Variants in RAD54L2 observed in about 807,000 individuals in gnomAD.
RAD54L2 encodes RAD54 like 2.
A neutral mutation model predicts 138.4 loss-of-function variants in RAD54L2; 27 were observed. The observed-to-expected ratio is 0.20, with a 90% CI of 0.14 to 0.27. RAD54L2 has a LOEUF of 0.27. Ranked by LOEUF, RAD54L2 falls within the 10% of genes least tolerant of loss-of-function variation. The pLI, the probability that RAD54L2 is intolerant of heterozygous loss-of-function variation, is 1.00. For synonymous variants in RAD54L2, 644 were observed against 723.2 expected (o/e 0.89, Z 1.76); for missense variants, 1,396 against 1,890.2 (o/e 0.74, Z 4.85).
At chr3:51,634,070 C>G in intron 9 of RAD54L2, 35 bp downstream of exon 9, 1 of 1,600,632 alleles carries the variant, frequency 6.2e-7, no homozygotes, top group Non-Finnish European at 8.5e-7. Flanking sequence ...TGCCCCTTTC[C>G]TTTTAGACTT....
chr3:51,581,585 C>T (rs186745564), intron 2 of RAD54L2, among the ~76,000 whole-genome samples: 122 of 152,230 alleles, frequency 8.0e-4, no homozygotes, highest in African/African-American at 2.8e-3. Flanking sequence ...CTCCTCTGTG[C>T]GCAGCTTGTA....
At chr3:51,598,265 G>A (rs1700014732) in intron 3 of RAD54L2, among the ~76,000 whole-genome samples, 1 of 151,508 alleles carries the variant, frequency 6.6e-6, no homozygotes, top group African/African-American at 2.4e-5. Context: ...TTAGGCCTCA[G>A]GGGGAGACCT....
chr3:51,553,774 G>A (rs1007940301), intron 2 of RAD54L2, among the ~76,000 whole-genome samples: 8 of 152,186 alleles, frequency 5.3e-5, no homozygotes, highest in African/African-American at 1.9e-4. Flanking sequence ...CGAGTCAGCA[G>A]TATGCTATCA....
chr3:51,588,061 C>T (rs182043034), intron 2 of RAD54L2, among the ~76,000 whole-genome samples: 4,379 of 151,628 alleles, frequency 0.029, 91 homozygotes, highest in South Asian at 0.047. Flanking sequence ...TGGCAGGCGC[C>T]TGTAGTCCCA....
intron 3 of RAD54L2, among the ~76,000 whole-genome samples, chr3:51,625,398 A>G (rs1013118859): frequency 3.3e-5 from 5 of 152,062 alleles, no homozygotes; most frequent in Non-Finnish European, 7.4e-5. Flanking sequence ...AGCCTGGGCA[A>G]CAAGAGTGAA....
At chr3:51,593,962 A>C (rs944511892) in intron 3 of RAD54L2, among the ~76,000 whole-genome samples, 2 of 151,832 alleles carry the variant, frequency 1.3e-5, no homozygotes, top group Non-Finnish European at 2.9e-5. Flanking sequence ...TTTTTTCTAT[A>C]TAAGCATTTA....
chr3:51,588,428 G>C (rs1471383641), intron 2 of RAD54L2, among the ~76,000 whole-genome samples: 1 of 150,602 alleles, frequency 6.6e-6, no homozygotes, highest in South Asian at 2.1e-4. Flanking sequence ...CCAGCTACTC[G>C]GGAGGCTGAG....
chr3:51,551,455 A>G (rs1294793877), intron 2 of RAD54L2, among the ~76,000 whole-genome samples: 1 of 137,876 alleles, frequency 7.3e-6, no homozygotes, highest in African/African-American at 2.7e-5. Context: ...TTTTTTTTTT[A>G]GGTGGAGTCT....
chr3:51,547,016 G>A (rs1308608860), intron 2 of RAD54L2, among the ~76,000 whole-genome samples: 1 of 151,782 alleles, frequency 6.6e-6, no homozygotes, highest in Non-Finnish European at 1.5e-5. Flanking sequence ...GCAACAGAGT[G>A]AAACTTGACT....
At position 51,545,931 on chromosome 3, in the gene RAD54L2, C is replaced by CTT. The variant is rs781819728; in HGVS notation, c.-55+4304_-55+4305dup. On this transcript the variant is annotated intron_variant, in intron 2 of 22. Coordinates refer to ENST00000684192, the MANE Select transcript of RAD54L2 (RefSeq NM_015106.4). ...AAGGTTATCAAAGCCTACATCAATT[C>CTT]TTTTTTTTTTTTTTTTTTTTTTTTG... is the stretch of plus-strand genomic sequence containing the variant. Among the ~76,000 whole-genome samples, 302 of 79,384 alleles carry CTT rather than the reference C, an allele frequency of 3.8e-3. 1 individual carries two copies. The highest frequency in any genetic ancestry group is 8.2e-3 in the Middle Eastern group (1 of 122). The allele number at this position is 79,384 out of a possible 152,430, so 52.1% of individuals were successfully genotyped here. A position where few individuals can be genotyped will look rare whatever the true frequency, so the allele number is the denominator to read the frequency against.
chr3:51,548,821 CTTTTTTTTTTTTTT>C (rs1168106948), intron 2 of RAD54L2, among the ~76,000 whole-genome samples: 9 of 101,292 alleles, frequency 8.9e-5, no homozygotes, highest in Non-Finnish European at 1.7e-4. Context: ...AGTAACTCTG[CTTTTTTTTTTTTTT>C]TTTTTTTTTG....
Position 51,592,860 on chromosome 3 carries a change from C to T in RAD54L2, c.139+2301C>T, listed in dbSNP as rs148225224. On this transcript the variant is annotated intron_variant, in intron 3 of 22. Transcript: ENST00000684192. Reference sequence around the variant, plus strand: ...AAAGTGCTGGGATTACAGGCGTGATCCACACCCGGCCTAAAGCTTTTCTTT... The same window carrying T: ...AAAGTGCTGGGATTACAGGCGTGATTCACACCCGGCCTAAAGCTTTTCTTT... Among the ~76,000 whole-genome samples, 690 of 152,300 alleles carry T rather than the reference C, an allele frequency of 4.5e-3. 4 individuals carry two copies. The highest frequency in any genetic ancestry group is 0.016 in the African/African-American group (663 of 41,570).
In RAD54L2 at chr3:51,573,602, G is replaced by A. The variant is rs370811628; in HGVS notation, c.-54-16765G>A. The stretch of plus-strand genomic sequence containing the variant: ...AGGCAAGCGCCACCACGCCCGAGTA[G>A]GTGGGACTATAGGTGCGCCACCACG... On this transcript the variant is annotated intron_variant, in intron 2 of 22. Transcript: ENST00000684192. Among the ~76,000 whole-genome samples the A allele has an allele frequency of 3.4e-4, 51 of 152,086 alleles. 2 individuals are homozygous for A. The South Asian group carries it at 7.1e-3, about 21-fold the overall frequency.
chr3:51,653,296 A>G (rs1291990069), intron 19 of RAD54L2, among the ~76,000 whole-genome samples: 2 of 152,194 alleles, frequency 1.3e-5, no homozygotes, highest in Admixed American at 6.5e-5. Context: ...TGCTGGAGAG[A>G]ATGTGGAGAA....
chr3:51,549,777 CAA>C (rs5848927), intron 2 of RAD54L2, among the ~76,000 whole-genome samples: 28 of 63,008 alleles, frequency 4.4e-4, no homozygotes, highest in Admixed American at 5.7e-4. Context: ...GTCTCCATCT[CAA>C]AAAAAAAAAA....
In RAD54L2 at chr3:51,668,065, C is replaced by CTG. The variant is rs35035597; in HGVS notation, c.*4664_*4665dup. 2,549 of 149,964 alleles carry CTG rather than the reference C, an allele frequency of 0.017. 23 individuals carry two copies. The highest frequency in any genetic ancestry group is 0.053 in the South Asian group (250 of 4,722). 9.3% of individuals were successfully genotyped at this position (149,964 alleles called of 1,614,324 possible). ...CTCCCTGGAAGAGAGCTCAGCCCAG[C>CTG]TGTGTGTGTGTGTGTGTGTGAGTGT... On this transcript the variant is annotated 3_prime_UTR_variant, in exon 23 of 23. Transcript: ENST00000684192.
In RAD54L2 at chr3:51,663,166, C is replaced by T. The variant is rs1395189086; in HGVS notation, c.4150C>T (p.Leu1384Phe). The T allele has an allele frequency of 2.5e-6, 4 of 1,613,996 alleles. No individual in the cohort carries two copies. The Admixed American group carries it at 5.0e-5, about 20-fold the overall frequency. Residue 1384 changes from leucine (L) to phenylalanine (F), a missense_variant, in exon 23 of 23, where the codon CTC becomes TTC. This residue lies in a region of RAD54L2 where 634 missense variants were observed against 711.2 expected (regional missense o/e 0.89). Coordinates refer to ENST00000684192, the MANE Select transcript of RAD54L2 (RefSeq NM_015106.4). ...SVPGILPSYS[L>F]PFSQPLLSEP... ...GCCAGGGATACTACCCAGCTATTCA[C>T]TCCCATTCTCACAGCCACTCCTGTC...
At chr3:51,587,005 G>A (rs983048366) in intron 2 of RAD54L2, among the ~76,000 whole-genome samples, 1 of 152,040 alleles carries the variant, frequency 6.6e-6, no homozygotes, top group Non-Finnish European at 1.5e-5. Flanking sequence ...ATATTAAGAA[G>A]TAAATTTTAC....
intron 2 of RAD54L2, among the ~76,000 whole-genome samples, chr3:51,548,912 C>T (rs907747249): frequency 3.3e-4 from 49 of 150,146 alleles, no homozygotes; most frequent in Admixed American, 2.7e-3. Context: ...CTGCAACCTC[C>T]GCTTCCCGGG....
Sources: allele counts gnomAD v4.1 joint callset (sites outside exome capture counted in the v4.1 genomes callset), GRCh38; gene constraint gnomAD v4.1.1; regional missense constraint gnomAD v4.1.1; transcripts MANE v1.5; gene names NCBI Gene and HGNC (gene_info 2026-07-23, HGNC 2026-07-21).